CNTN6: variants seen among roughly 807,000 people sequenced by gnomAD.
CNTN6 encodes the protein contactin-6.
In CNTN6, 137 loss-of-function variants were observed where a neutral mutation model predicts 122.8. The ratio of observed to expected loss-of-function variants is 1.12; its 90% CI spans 0.97 to 1.29. The LOEUF (loss-of-function observed/expected upper bound fraction) is 1.29, where lower values mean the gene tolerates loss of function less well. Among genes scored for constraint, CNTN6 ranks in the 50% most tolerant of loss-of-function variants. The pLI is 0.00. For missense variants in CNTN6, 1,634 were observed against 1,223.4 expected (o/e 1.34, Z -5.01); for synonymous variants, 570 against 426.0 (o/e 1.34, Z -4.16).
chr3:1,387,849 C>G (rs1051809077), intron 20 of CNTN6, among the ~76,000 whole-genome samples: 2 of 142,404 alleles, frequency 1.4e-5, no homozygotes, highest in African/African-American at 4.9e-5. Context: ...TTGCGCTTTT[C>G]GGACCAGCTT....
intron 4 of CNTN6, among the ~76,000 whole-genome samples, chr3:1,233,007 G>C (rs141444987): frequency 2.0e-5 from 3 of 152,302 alleles, no homozygotes; most frequent in Admixed American, 1.3e-4. Context: ...AATGCAGAAA[G>C]CTAGGGATCA....
At chr3:1,217,964 C>T (rs554530774) in intron 2 of CNTN6, among the ~76,000 whole-genome samples, 1 of 152,180 alleles carries the variant, frequency 6.6e-6, no homozygotes, top group Non-Finnish European at 1.5e-5. Context: ...CATCCTCTTC[C>T]CCTTCCCTTT....
chr3:1,305,574 A>G (rs1445949272), intron 7 of CNTN6, among the ~76,000 whole-genome samples: 1 of 152,180 alleles, frequency 6.6e-6, no homozygotes, highest in African/African-American at 2.4e-5. Context: ...TCTCCTTTGA[A>G]AAAAATATGG....
chr3:1,121,162 C>A, intron 1 of CNTN6, among the ~76,000 whole-genome samples: 1 of 151,894 alleles, frequency 6.6e-6, no homozygotes, highest in East Asian at 1.9e-4. Context: ...AACTCCCTTT[C>A]CTTTTTCTGT....
intron 12 of CNTN6, among the ~76,000 whole-genome samples, chr3:1,353,623 A>G (rs1293709564): frequency 6.6e-6 from 1 of 151,612 alleles, no homozygotes; most frequent in East Asian, 1.9e-4. Context: ...GGAACAGACT[A>G]TTTCTCCAGC....
chr3:1,287,390 T>C (rs1694532106), intron 5 of CNTN6, among the ~76,000 whole-genome samples: 1 of 152,190 alleles, frequency 6.6e-6, no homozygotes, highest in African/African-American at 2.4e-5. Flanking sequence ...GGCAAAACTA[T>C]CCTTAGTTGA....
chr3:1,240,301 C>A (rs964599449), intron 4 of CNTN6, among the ~76,000 whole-genome samples: 5 of 152,074 alleles, frequency 3.3e-5, no homozygotes, highest in African/African-American at 1.2e-4. Context: ...CGAGAATCTA[C>A]AAGGAACTCA....
At chr3:1,319,749 C>T (rs1700583172) in intron 7 of CNTN6, among the ~76,000 whole-genome samples, 1 of 150,896 alleles carries the variant, frequency 6.6e-6, no homozygotes, top group Non-Finnish European at 1.5e-5. Flanking sequence ...CTTTGTAAAA[C>T]AATTTTCTCA....
intron 4 of CNTN6, among the ~76,000 whole-genome samples, chr3:1,240,917 G>A (rs538072985): frequency 1.9e-3 from 289 of 151,710 alleles, no homozygotes; most frequent in African/African-American, 6.6e-3. Flanking sequence ...TTGGGAAGGT[G>A]ATGGAAAATT....
At chr3:1,270,564 C>T (rs532213122) in intron 4 of CNTN6, among the ~76,000 whole-genome samples, 1 of 152,314 alleles carries the variant, frequency 6.6e-6, no homozygotes, top group East Asian at 1.9e-4. Flanking sequence ...TACATACCTT[C>T]AACATGGGAA....
intron 1 of CNTN6, among the ~76,000 whole-genome samples, chr3:1,102,978 C>T (rs534759786): frequency 2.8e-4 from 41 of 147,014 alleles, no homozygotes; most frequent in Non-Finnish European, 4.9e-4. Flanking sequence ...GTGGTGGCGG[C>T]GCCTGTGGTC....
chr3:1,278,969 CT>C (rs1384940770), intron 5 of CNTN6, among the ~76,000 whole-genome samples: 6 of 152,136 alleles, frequency 3.9e-5, no homozygotes, highest in Non-Finnish European at 7.4e-5. Context: ...ATAACTAATA[CT>C]TTAGTAAGTA....
At chr3:1,269,433 A>C (rs2094985363) in intron 4 of CNTN6, among the ~76,000 whole-genome samples, 1 of 152,218 alleles carries the variant, frequency 6.6e-6, no homozygotes, top group Non-Finnish European at 1.5e-5. Flanking sequence ...GTAATCTGGC[A>C]TCTCAATGTA....
chr3:1,303,616 G>C (rs115448607), intron 7 of CNTN6, among the ~76,000 whole-genome samples: 1 of 151,872 alleles, frequency 6.6e-6, no homozygotes, highest in Non-Finnish European at 1.5e-5. Context: ...ATAAGTCCTC[G>C]CTTGCTAATT....
intron 1 of CNTN6, among the ~76,000 whole-genome samples, chr3:1,122,301 TAAATA>T (rs1663550817): frequency 2.2e-5 from 2 of 92,656 alleles, no homozygotes; most frequent in Non-Finnish European, 4.4e-5. Context: ...AAGAGAGAAA[TAAATA>T]AAGGAAAAAA....
intron 4 of CNTN6, among the ~76,000 whole-genome samples, chr3:1,267,645 G>T (rs958184361): frequency 1.7e-4 from 26 of 152,282 alleles, no homozygotes; most frequent in African/African-American, 4.8e-4. Flanking sequence ...GGTCTTTTAA[G>T]AGTTTATAGT....
intron 2 of CNTN6, among the ~76,000 whole-genome samples, chr3:1,150,785 A>T (rs1575029965): frequency 6.6e-6 from 1 of 152,274 alleles, no homozygotes; most frequent in East Asian, 1.9e-4. Flanking sequence ...GATTTTGCAG[A>T]TGTGATTAAG....
rs762757758 is a variant in CNTN6 at position 1,372,285 on chromosome 3, T to C, written c.1493-14T>C. On this transcript the variant is annotated splice_polypyrimidine_tract_variant and intron_variant, in intron 12 of 22. Coordinates refer to ENST00000446702, the MANE Select transcript of CNTN6 (RefSeq NM_001289080.2). Reference sequence around the variant, plus strand: ...ATTTCATAAGCTTTAAAAAATAATTTTTTTTCTCAACAGAGAGAACTGTCA... The same window carrying C: ...ATTTCATAAGCTTTAAAAAATAATTCTTTTTCTCAACAGAGAGAACTGTCA... The C allele has an allele frequency of 6.3e-7, 1 of 1,581,388 alleles. No homozygotes were observed. The highest frequency in any genetic ancestry group is 1.2e-5 in the South Asian group (1 of 85,324).
At chr3:1,202,466 G>C (rs12487009) in intron 2 of CNTN6, among the ~76,000 whole-genome samples, 1 of 151,622 alleles carries the variant, frequency 6.6e-6, no homozygotes, top group Non-Finnish European at 1.5e-5. Flanking sequence ...CGGGAACCCC[G>C]GGGGGCGGAG....
Sources: gnomAD v4.1 joint callset for allele counts (sites outside exome capture counted in the v4.1 genomes callset) on GRCh38, gnomAD v4.1.1 for gene constraint, MANE v1.5 for transcripts, NCBI Gene and HGNC (gene_info 2026-07-23, HGNC 2026-07-21) for gene names.